NEDD9: variants seen among roughly 807,000 people sequenced by gnomAD.
NEDD9 encodes enhancer of filamentation 1.
NEDD9 carries 26 observed loss-of-function variants against 76.6 expected under a neutral mutation model. The ratio of observed to expected loss-of-function variants is 0.34; its 90% CI spans 0.25 to 0.47. The LOEUF is 0.47. Among genes scored for constraint, NEDD9 ranks in the 20% least tolerant of loss-of-function variants. The pLI is 1.00. For synonymous variants in NEDD9, 392 were observed against 414.2 expected (o/e 0.95, Z 0.65); for missense variants, 937 against 1,058.5 (o/e 0.89, Z 1.59).
rs9368612 is a variant in NEDD9, at chr6:11,213,859, A to T, written c.13-132T>A. ...AGCATAAATCTGAACAATAGACTGT[A>T]AGGAGAAAAACAGATGGTGCAGACA... On this transcript the variant is annotated intron_variant, in intron 1 of 6. Coordinates refer to ENST00000379446, the MANE Select transcript of NEDD9 (RefSeq NM_006403.4). This position sits in a 1 kb window ranked among gnomAD's most constrained non-coding sequence, Gnocchi z 5.4. 0.42 allele frequency: 327,130 copies of T among 781,836 alleles called. 69,903 individuals are homozygous for T. Among genetic ancestry groups the T allele is most frequent in the African/African-American group, 0.5 (28,781 of 57,200 alleles). 48.4% of individuals were successfully genotyped at this position (781,836 alleles called of 1,614,324 possible).
At chr6:11,324,318 G>C (rs1224000953) in intron 2 of NEDD9, among the ~76,000 whole-genome samples, 1 of 152,180 alleles carries the variant, frequency 6.6e-6, no homozygotes, top group Non-Finnish European at 1.5e-5. Context: ...ACCTCTGGTA[G>C]TGAATCTCTG....
chr6:11,273,149 G>T (rs1345344693), intron 3 of NEDD9, among the ~76,000 whole-genome samples: 1 of 152,190 alleles, frequency 6.6e-6, no homozygotes, highest in East Asian at 1.9e-4. Context: ...TAACTCACTT[G>T]AGGAAGTGAT....
intron 1 of NEDD9, among the ~76,000 whole-genome samples, chr6:11,347,407 T>C (rs1186995421): frequency 6.6e-6 from 1 of 152,054 alleles, no homozygotes. Flanking sequence ...AGGGACTCCT[T>C]CCCAACTCAT....
At chr6:11,273,793 C>T (rs1239216660) in intron 3 of NEDD9, among the ~76,000 whole-genome samples, 4 of 152,156 alleles carry the variant, frequency 2.6e-5, no homozygotes, top group African/African-American at 9.7e-5. Flanking sequence ...CCTGTGTTCA[C>T]CCGACAGCAA....
At chr6:11,226,941 A>G (rs1245381990) in intron 1 of NEDD9, among the ~76,000 whole-genome samples, 3 of 152,234 alleles carry the variant, frequency 2.0e-5, no homozygotes, top group African/African-American at 4.8e-5. Flanking sequence ...CTATACTGTT[A>G]GAAAGTAACA....
intron 1 of NEDD9, among the ~76,000 whole-genome samples, chr6:11,376,512 C>T (rs1762971243): frequency 6.6e-6 from 1 of 152,140 alleles, no homozygotes; most frequent in Non-Finnish European, 1.5e-5. Context: ...CTCTAGGGAT[C>T]TGTGGAAGTT....
chr6:11,187,510 C>T (rs1758008856), intron 6 of NEDD9, among the ~76,000 whole-genome samples: 1 of 152,046 alleles, frequency 6.6e-6, no homozygotes, highest in Non-Finnish European at 1.5e-5. Context: ...GCTTGTGTTG[C>T]TGGCGAAAGA....
chr6:11,210,243 G>A (rs1462039409), intron 2 of NEDD9, among the ~76,000 whole-genome samples: 1 of 152,114 alleles, frequency 6.6e-6, no homozygotes. Context: ...ATTTCTCTGA[G>A]GGAAAGACCT....
chr6:11,345,033 T>C (rs1310286736), intron 1 of NEDD9, among the ~76,000 whole-genome samples: 1 of 152,114 alleles, frequency 6.6e-6, no homozygotes, highest in Non-Finnish European at 1.5e-5. Context: ...AGAGAAGATA[T>C]TATGGAAGAA....
At chr6:11,231,766 C>T (rs1017324562) in intron 1 of NEDD9, among the ~76,000 whole-genome samples, 32 of 152,132 alleles carry the variant, frequency 2.1e-4, no homozygotes, top group Admixed American at 1.6e-3. Context: ...CAAGAAAAAT[C>T]CACAAACAAT....
intron 1 of NEDD9, among the ~76,000 whole-genome samples, chr6:11,371,636 T>A (rs1762877094): frequency 6.6e-6 from 1 of 152,254 alleles, no homozygotes; most frequent in Non-Finnish European, 1.5e-5. Context: ...AATGTAAGAT[T>A]TTTTAGAGCA....
intron 3 of NEDD9, among the ~76,000 whole-genome samples, chr6:11,259,935 A>ACACACACACAC (rs139640152): frequency 2.1e-5 from 3 of 142,508 alleles, no homozygotes; most frequent in African/African-American, 2.6e-5. Context: ...CTGCGCCCTT[A>ACACACACACAC]ACACACACAC....
intron 3 of NEDD9, among the ~76,000 whole-genome samples, chr6:11,281,093 T>G (rs749480364): frequency 3.9e-5 from 6 of 152,262 alleles, no homozygotes; most frequent in African/African-American, 7.2e-5. Flanking sequence ...TATTCATAAC[T>G]TCCTATATTT....
At chr6:11,378,649 G>A (rs998300586) in intron 1 of NEDD9, among the ~76,000 whole-genome samples, 1 of 152,074 alleles carries the variant, frequency 6.6e-6, no homozygotes. Flanking sequence ...AGTATAAAAT[G>A]TTACAATATT....
intron 1 of NEDD9, among the ~76,000 whole-genome samples, chr6:11,335,827 A>G (rs1324606619): frequency 6.6e-6 from 1 of 152,226 alleles, no homozygotes; most frequent in African/African-American, 2.4e-5. Context: ...CCAAACCACA[A>G]TTCCTTTTGC....
intron 1 of NEDD9, among the ~76,000 whole-genome samples, chr6:11,339,931 G>A (rs1227474311): frequency 6.6e-6 from 1 of 152,138 alleles, no homozygotes; most frequent in East Asian, 1.9e-4. Context: ...TACTTCTTAT[G>A]GTTGATTCCA....
chr6:11,203,761 C>A (rs934280471), intron 2 of NEDD9, among the ~76,000 whole-genome samples: 1 of 152,234 alleles, frequency 6.6e-6, no homozygotes, highest in South Asian at 2.1e-4. Context: ...CCAGGTCTGT[C>A]AAACACTGAT....
chr6:11,203,932 G>T (rs1175166998), intron 2 of NEDD9, among the ~76,000 whole-genome samples: 1 of 151,562 alleles, frequency 6.6e-6, no homozygotes, highest in Non-Finnish European at 1.5e-5. Context: ...AAAACTTAAG[G>T]GTCAAGTTGA....
intron 3 of NEDD9, among the ~76,000 whole-genome samples, chr6:11,304,896 G>T (rs1761140153): frequency 1.3e-5 from 2 of 152,142 alleles, no homozygotes; most frequent in South Asian, 2.1e-4. Context: ...CATGGCACAT[G>T]TATACCTATG....
Sources: allele counts gnomAD v4.1 joint callset (sites outside exome capture counted in the v4.1 genomes callset), GRCh38; gene constraint gnomAD v4.1.1; non-coding constraint Gnocchi (gnomAD v3.1); transcripts MANE v1.5; gene names NCBI Gene and HGNC (gene_info 2026-07-23, HGNC 2026-07-21).